ASIC2: variants seen among roughly 807,000 people sequenced by gnomAD.
ASIC2 encodes acid sensing ion channel subunit 2, also known as acid-sensing ion channel 2.
ASIC2 carries 25 observed loss-of-function variants against 57.3 expected under a neutral mutation model. The ratio of observed to expected loss-of-function variants is 0.44; its 90% CI spans 0.32 to 0.61. The LOEUF is 0.61. Ranked by LOEUF, ASIC2 falls within the 20% of genes least tolerant of loss-of-function variation. The pLI is 0.06. For missense variants in ASIC2, 641 were observed against 738.1 expected, an observed-to-expected ratio of 0.87 and a Z score of 1.52; for synonymous variants, 319 against 307.5, an observed-to-expected ratio of 1.04 and a Z score of -0.39.
intron 1 of ASIC2, among the ~76,000 whole-genome samples, chr17:33,975,384 C>T (rs3901359): frequency 0.12 from 18,121 of 152,120 alleles, 1,491 homozygotes; most frequent in East Asian, 0.35. Context: ...CTCTCTCCCC[C>T]TTTCAACCCC....
rs181071738 is a variant in ASIC2, at chr17:33,721,611, A to G, written c.555+434367T>C. Among the ~76,000 whole-genome samples the G allele has an allele frequency of 3.9e-5, 6 of 152,290 alleles. No individual in the cohort carries two copies. The East Asian group carries it at 1.2e-3, about 29-fold the overall frequency. On this transcript the variant is annotated intron_variant, in intron 1 of 9. Transcript: ENST00000359872. ...AGCAGGACCGAGAAATAAACCTTTA[A>G]CATTTTAAACACTGATCCTCCTGTC...
At chr17:34,078,647 G>T (rs1483083712) in intron 1 of ASIC2, among the ~76,000 whole-genome samples, 1 of 152,130 alleles carries the variant, frequency 6.6e-6, no homozygotes, top group Non-Finnish European at 1.5e-5. Context: ...ATGGGGCTGG[G>T]GGCACTTGGG....
chr17:33,452,897 T>C (rs1176879504), intron 1 of ASIC2, among the ~76,000 whole-genome samples: 1 of 152,106 alleles, frequency 6.6e-6, no homozygotes, highest in Non-Finnish European at 1.5e-5. Context: ...AGGCTCTTTG[T>C]TAATGAAGCT....
rs1381572439 is a variant in ASIC2, at chr17:34,064,980, A to T, written c.555+90998T>A. Among the ~76,000 whole-genome samples, 3 of 152,220 alleles carry T rather than the reference A, an allele frequency of 2.0e-5. No individual in the cohort carries two copies. The East Asian group carries it at 5.8e-4, about 29-fold the overall frequency. ...ATAGGAAACAATGTGGAGATTCTTT[A>T]AAGAACTAAAAGTAGAACTACCATT... On this transcript the variant is annotated intron_variant, in intron 1 of 9. Coordinates refer to the ASIC2 transcript ENST00000359872.
chr17:33,775,353 TG>T (rs1911236413), intron 1 of ASIC2, among the ~76,000 whole-genome samples: 1 of 152,188 alleles, frequency 6.6e-6, no homozygotes, highest in South Asian at 2.1e-4. Context: ...AGCAGTACAC[TG>T]GGACTCAGCA....
At chr17:33,340,945 G>C (rs1907696078) in intron 1 of ASIC2, among the ~76,000 whole-genome samples, 1 of 152,158 alleles carries the variant, frequency 6.6e-6, no homozygotes, top group Non-Finnish European at 1.5e-5. Flanking sequence ...CTGGAATGTA[G>C]TATCTTTCAC....
At chr17:34,146,362 C>G (rs1315012193) in intron 1 of ASIC2, among the ~76,000 whole-genome samples, 1 of 152,158 alleles carries the variant, frequency 6.6e-6, no homozygotes, top group East Asian at 1.9e-4. Context: ...AAAGCTAAAA[C>G]TAATCAATAC....
At chr17:33,799,507 T>C (rs1312492254) in intron 1 of ASIC2, among the ~76,000 whole-genome samples, 1 of 149,076 alleles carries the variant, frequency 6.7e-6, no homozygotes, top group Admixed American at 6.8e-5. Context: ...ACTTTCTTTC[T>C]TTCTTTCCTT....
chr17:33,035,098 A>G (rs1393731700), intron 3 of ASIC2, among the ~76,000 whole-genome samples: 1 of 152,120 alleles, frequency 6.6e-6, no homozygotes, highest in Non-Finnish European at 1.5e-5. Flanking sequence ...TTTGTAACCA[A>G]TCTTCTATTG....
chr17:33,614,879 G>A (rs1905542021), intron 1 of ASIC2, among the ~76,000 whole-genome samples: 1 of 152,148 alleles, frequency 6.6e-6, no homozygotes, highest in Admixed American at 6.5e-5. Flanking sequence ...TTCCAGCTGT[G>A]GGACTATGGG....
chr17:33,300,125 C>T (rs1035705622), intron 1 of ASIC2, among the ~76,000 whole-genome samples: 3 of 152,210 alleles, frequency 2.0e-5, no homozygotes, highest in East Asian at 1.9e-4. Flanking sequence ...CCCCAGCCCC[C>T]ACAGCCACCC....
intron 1 of ASIC2, among the ~76,000 whole-genome samples, chr17:33,403,691 A>G (rs1290830788): frequency 6.6e-6 from 1 of 152,238 alleles, no homozygotes; most frequent in Non-Finnish European, 1.5e-5. Flanking sequence ...ATCAGGGAAG[A>G]AACCAGCCTT....
chr17:33,952,492 A>G (rs913046476), intron 1 of ASIC2, among the ~76,000 whole-genome samples: 8 of 152,188 alleles, frequency 5.3e-5, no homozygotes, highest in Non-Finnish European at 8.8e-5. Context: ...ATATATGTAA[A>G]TTATTTATTA....
chr17:33,781,883 C>T (rs544736117), intron 1 of ASIC2, among the ~76,000 whole-genome samples: 45 of 152,286 alleles, frequency 3.0e-4, no homozygotes, highest in Non-Finnish European at 5.7e-4. Context: ...TTTGACTCCA[C>T]TTGTAGATAT....
At chr17:33,601,679 G>T (rs1401725359) in intron 1 of ASIC2, among the ~76,000 whole-genome samples, 1 of 152,172 alleles carries the variant, frequency 6.6e-6, no homozygotes, top group Non-Finnish European at 1.5e-5. Context: ...GGAGTCATGG[G>T]CATGGGGTAC....
intron 1 of ASIC2, among the ~76,000 whole-genome samples, chr17:33,501,341 G>A (rs1914095451): frequency 6.6e-6 from 1 of 152,184 alleles, no homozygotes; most frequent in South Asian, 2.1e-4. Flanking sequence ...GCGTTGGGAG[G>A]CAGACACATG....
chr17:33,418,974 G>A (rs552822935), intron 1 of ASIC2, among the ~76,000 whole-genome samples: 7 of 151,786 alleles, frequency 4.6e-5, no homozygotes, highest in African/African-American at 1.4e-4. Flanking sequence ...CTGGGGGAGG[G>A]ATAGCATTAG....
intron 1 of ASIC2, among the ~76,000 whole-genome samples, chr17:33,737,578 T>C (rs1443886689): frequency 2.0e-5 from 3 of 152,264 alleles, no homozygotes; most frequent in African/African-American, 7.2e-5. Context: ...GAACTTCAGA[T>C]TCCTCATTTA....
At chr17:33,252,226 A>G (rs1464777092) in intron 1 of ASIC2, among the ~76,000 whole-genome samples, 1 of 152,168 alleles carries the variant, frequency 6.6e-6, no homozygotes, top group Admixed American at 6.5e-5. Context: ...GAGTTCTTTC[A>G]TCATTGCAGC....
Sources: allele counts gnomAD v4.1 joint callset (sites outside exome capture counted in the v4.1 genomes callset), GRCh38; gene constraint gnomAD v4.1.1; transcripts MANE v1.5; gene names NCBI Gene and HGNC (gene_info 2026-07-23, HGNC 2026-07-21).